Variants in PLPP1 observed in about 807,000 individuals in gnomAD.
The protein encoded by PLPP1 is lipid phosphate phosphohydrolase 1a.
A neutral mutation model predicts 31.2 loss-of-function variants in PLPP1; 24 were observed. The observed-to-expected ratio is 0.77, with a 90% CI of 0.56 to 1.08. The LOEUF (loss-of-function observed/expected upper bound fraction) is 1.08. PLPP1 is among the 50% of genes least tolerant of loss of function. PLPP1 has a pLI of 0.00. For missense variants in PLPP1, 319 were observed against 342.7 expected (o/e 0.93, Z 0.55); for synonymous variants, 146 against 126.3 (o/e 1.16, Z -1.05).
chr5:55,479,712 G>A (rs1488844660), intron 1 of PLPP1, among the ~76,000 whole-genome samples: 1 of 152,150 alleles, frequency 6.6e-6, no homozygotes, highest in Non-Finnish European at 1.5e-5. Context: ...GGGGTTATTA[G>A]AGCACCTTTT....
At chr5:55,453,220 A>T (rs1751931471) in intron 3 of PLPP1, among the ~76,000 whole-genome samples, 1 of 152,222 alleles carries the variant, frequency 6.6e-6, no homozygotes, top group African/African-American at 2.4e-5. Flanking sequence ...ATGTTTTGAC[A>T]GTTATAAAAA....
At chr5:55,522,517 C>T (rs1753692082) in intron 1 of PLPP1, among the ~76,000 whole-genome samples, 1 of 152,172 alleles carries the variant, frequency 6.6e-6, no homozygotes, top group Admixed American at 6.5e-5. Context: ...CTGCCTCAGC[C>T]TCCCAATGTG....
At chr5:55,450,501 A>T (rs1038577650) in intron 3 of PLPP1, among the ~76,000 whole-genome samples, 9 of 152,214 alleles carry the variant, frequency 5.9e-5, no homozygotes, top group African/African-American at 2.2e-4. Flanking sequence ...TATCTTGAAA[A>T]TAACATGACT....
chr5:55,515,590 A>G (rs887463095), intron 1 of PLPP1, among the ~76,000 whole-genome samples: 2 of 152,204 alleles, frequency 1.3e-5, no homozygotes, highest in Non-Finnish European at 2.9e-5. Context: ...TAAGGTTATA[A>G]ATGATCTTTG....
rs200189608 is a variant in PLPP1, at chr5:55,425,971, A to G, written c.618T>C (p.Leu206=). ...GGCCCACATAAATGGATACGGCAAC[A>G]AGACCAAATTGCAGTGTGGGGCGTA... The part of the protein sequence containing the change: ...RLLRPTLQFG[L]VAVSIYVGLS... The change falls in exon 5 of 6, where the codon CTT becomes CTC. Residue 206 remains leucine, a synonymous_variant. Transcript: ENST00000307259. The G allele has an allele frequency of 6.2e-7, 1 of 1,614,026 alleles. No homozygotes were observed. Among genetic ancestry groups the G allele is most frequent in the South Asian group, 1.1e-5 (1 of 91,062 alleles).
chr5:55,435,632 A>T (rs1751473826), intron 4 of PLPP1, among the ~76,000 whole-genome samples: 1 of 152,194 alleles, frequency 6.6e-6, no homozygotes, highest in South Asian at 2.1e-4. Flanking sequence ...ACAGGAACAC[A>T]ACTCTAGAAC....
intron 1 of PLPP1, among the ~76,000 whole-genome samples, chr5:55,489,492 T>C (rs1752843076): frequency 6.6e-6 from 1 of 152,176 alleles, no homozygotes; most frequent in African/African-American, 2.4e-5. Flanking sequence ...TTAAACTAAA[T>C]GCTAGATTTT....
chr5:55,426,559 G>A (rs1187641608), intron 4 of PLPP1, among the ~76,000 whole-genome samples: 9 of 121,902 alleles, frequency 7.4e-5, no homozygotes, highest in Non-Finnish European at 1.0e-4. Flanking sequence ...ATGTCACTGA[G>A]CCCAGCTAAT....
At chr5:55,500,361 G>A (rs752751495) in intron 1 of PLPP1, among the ~76,000 whole-genome samples, 1 of 152,040 alleles carries the variant, frequency 6.6e-6, no homozygotes, top group Non-Finnish European at 1.5e-5. Flanking sequence ...TTACAGGCGT[G>A]AGCCACCACG....
At chr5:55,459,759 T>A (rs1752110381) in intron 3 of PLPP1, among the ~76,000 whole-genome samples, 1 of 152,082 alleles carries the variant, frequency 6.6e-6, no homozygotes. Flanking sequence ...TCCATTTACA[T>A]GCAGATTTTC....
intron 1 of PLPP1, among the ~76,000 whole-genome samples, chr5:55,496,960 A>C (rs1264851347): frequency 1.3e-5 from 2 of 152,226 alleles, no homozygotes; most frequent in Non-Finnish European, 2.9e-5. Flanking sequence ...TTAATCCCTA[A>C]TATGTAGAAG....
At position 55,483,387 on chromosome 5, in the gene PLPP1, G is replaced by A. The variant is rs138817298; in HGVS notation, c.59-7937C>T. 1.3e-3 allele frequency among the ~76,000 whole-genome samples: 204 copies of A among 152,040 alleles called. 2 individuals carry two copies. In the Middle Eastern group the frequency reaches 0.024, roughly 18 times the overall value. ...AAGGATAATTCAAAGTACATTATTC[G>A]AGGCTAGGTGCAGCGGCTCATGCCT... On this transcript the variant is annotated intron_variant, in intron 1 of 5. Transcript: ENST00000307259.
chr5:55,442,915 G>A (rs1219385366), intron 3 of PLPP1, among the ~76,000 whole-genome samples: 1 of 151,940 alleles, frequency 6.6e-6, no homozygotes, highest in Non-Finnish European at 1.5e-5. Flanking sequence ...CAGGCACAGT[G>A]AAAGTATGCC....
intron 1 of PLPP1, among the ~76,000 whole-genome samples, chr5:55,507,858 CTTT>C (rs5867988): frequency 4.9e-4 from 65 of 133,192 alleles, no homozygotes; most frequent in Middle Eastern, 3.7e-3. Context: ...TCACTGAAAA[CTTT>C]TTTTTTTTTT....
At chr5:55,518,261 T>G (rs576719765) in intron 1 of PLPP1, among the ~76,000 whole-genome samples, 76 of 152,324 alleles carry the variant, frequency 5.0e-4, no homozygotes, top group African/African-American at 1.8e-3. Context: ...GTATGTAGAT[T>G]ATCCAGCTAT....
At chr5:55,526,753 A>G (rs1362434287) in intron 1 of PLPP1, among the ~76,000 whole-genome samples, 1 of 152,028 alleles carries the variant, frequency 6.6e-6, no homozygotes. Context: ...TAACACGGTG[A>G]AACCCTGTCT....
At chr5:55,428,004 C>T (rs1350181265) in intron 4 of PLPP1, among the ~76,000 whole-genome samples, 3 of 152,114 alleles carry the variant, frequency 2.0e-5, no homozygotes, top group African/African-American at 7.2e-5. Flanking sequence ...CCAGGCTGGT[C>T]TCAAACTCCT....
Position 55,425,850 on chromosome 5 carries a change from C to T in PLPP1, c.726+13G>A, listed in dbSNP as rs767808855. On this transcript the variant is annotated intron_variant, in intron 5 of 5. Coordinates refer to ENST00000307259, the MANE Select transcript of PLPP1 (RefSeq NM_003711.4). ...GCAATATCAAGATGTAGGCTGTTGA[C>T]CTGTATACTTACAACTAATATTGCA... 1.9e-6 allele frequency: 3 copies of T among 1,581,138 alleles called. No individual in the cohort carries two copies. Among genetic ancestry groups the T allele is most frequent in the Middle Eastern group, 3.4e-4 (2 of 5,920 alleles).
chr5:55,430,905 A>T (rs1054014222), intron 4 of PLPP1, among the ~76,000 whole-genome samples: 2 of 152,192 alleles, frequency 1.3e-5, no homozygotes, highest in East Asian at 3.8e-4. Context: ...TAGATATAAA[A>T]AAAAATTCTG....
Sources: gnomAD v4.1 joint callset for allele counts (sites outside exome capture counted in the v4.1 genomes callset) on GRCh38, gnomAD v4.1.1 for gene constraint, MANE v1.5 for transcripts, NCBI Gene and HGNC (gene_info 2026-07-23, HGNC 2026-07-21) for gene names.